The following TRIM35 variants were observed in gnomAD, a reference collection of about 807,000 sequenced individuals.
TRIM35 encodes the protein E3 ubiquitin-protein ligase TRIM35.
Under a neutral mutation model 49.1 loss-of-function variants are expected in TRIM35, and 37 were observed. That is an observed-to-expected ratio of 0.75 (90% CI 0.58 to 0.99). TRIM35 has a LOEUF of 0.99. Ranked by LOEUF, TRIM35 falls within the 50% of genes least tolerant of loss-of-function variation. The pLI is 0.00. For synonymous variants in TRIM35, 302 were observed against 289.3 expected (o/e 1.04, Z -0.45); for missense variants, 648 against 702.7 (o/e 0.92, Z 0.88).
chr8:27,308,418 C>A (rs758339660), intron 1 of TRIM35, among the ~76,000 whole-genome samples: 3 of 152,152 alleles, frequency 2.0e-5, no homozygotes, highest in Non-Finnish European at 2.9e-5. Flanking sequence ...ACACACATCC[C>A]ATCACAAACT....
In TRIM35 at chr8:27,289,160, A is replaced by C. The variant is rs1280551129; in HGVS notation, c.904+2T>G. 1 of 1,613,184 alleles carries C rather than the reference A, an allele frequency of 6.2e-7. No individual in the cohort carries two copies. The highest frequency in any genetic ancestry group is 1.7e-5 in the Admixed American group (1 of 59,984). ...GGGACACCTGCCGGCACCCCCGCTC[A>C]CCAGATTCCACAGATGCAAGCATCT... On this transcript the variant is annotated splice_donor_variant, in intron 5 of 5. Transcript: ENST00000305364. LOFTEE classifies it high-confidence loss of function.
At chr8:27,303,695 T>A (rs1015951922) in intron 1 of TRIM35, among the ~76,000 whole-genome samples, 5 of 152,204 alleles carry the variant, frequency 3.3e-5, no homozygotes, top group South Asian at 2.1e-4. Context: ...ATTTATTTTA[T>A]ATTTTTTACT....
intron 2 of TRIM35, among the ~76,000 whole-genome samples, chr8:27,296,898 A>C (rs530119357): frequency 2.4e-4 from 37 of 152,382 alleles, no homozygotes; most frequent in South Asian, 8.3e-4. Flanking sequence ...TCTATTAGAC[A>C]TCAGAAATGT....
At chr8:27,295,844 A>G (rs1202858860) in intron 2 of TRIM35, among the ~76,000 whole-genome samples, 2 of 152,200 alleles carry the variant, frequency 1.3e-5, no homozygotes, top group Non-Finnish European at 1.5e-5. Flanking sequence ...AAAATTGAGA[A>G]TGATCCACTC....
intron 3 of TRIM35, among the ~76,000 whole-genome samples, chr8:27,292,748 A>G (rs906989261): frequency 2.6e-5 from 4 of 152,198 alleles, no homozygotes; most frequent in Non-Finnish European, 5.9e-5. Context: ...GAGGCATGAA[A>G]TGTTCTAAAA....
At chr8:27,298,030 G>C (rs550340028) in intron 2 of TRIM35, among the ~76,000 whole-genome samples, 4 of 152,226 alleles carry the variant, frequency 2.6e-5, no homozygotes, top group Non-Finnish European at 4.4e-5. Flanking sequence ...GGCCCAGTGA[G>C]AGATGATGAT....
chr8:27,308,419 A>G (rs1563446694), intron 1 of TRIM35, among the ~76,000 whole-genome samples: 1 of 152,186 alleles, frequency 6.6e-6, no homozygotes, highest in Non-Finnish European at 1.5e-5. Flanking sequence ...CACACATCCC[A>G]TCACAAACTC....
At chr8:27,306,048 C>T (rs1234515430) in intron 1 of TRIM35, among the ~76,000 whole-genome samples, 1 of 152,074 alleles carries the variant, frequency 6.6e-6, no homozygotes, top group Non-Finnish European at 1.5e-5. Context: ...TGGCCTCAAG[C>T]AATCCTCCTG....
chr8:27,296,036 T>C (rs1436766845), intron 2 of TRIM35, among the ~76,000 whole-genome samples: 1 of 152,082 alleles, frequency 6.6e-6, no homozygotes, highest in Non-Finnish European at 1.5e-5. Flanking sequence ...TGTGAAAAGA[T>C]GTACAAACTT....
chr8:27,287,951 C>T lies in TRIM35; in HGVS notation c.1081G>A (p.Ala361Thr). 1 of 1,613,110 alleles carries T rather than the reference C, an allele frequency of 6.2e-7. No homozygotes were observed. Among genetic ancestry groups the T allele is most frequent in the Non-Finnish European group, 8.5e-7 (1 of 1,179,870 alleles). Residue 361 changes from alanine (A) to threonine (T), a missense_variant, in exon 6 of 6, where the codon GCC becomes ACC. Coordinates refer to ENST00000305364, the MANE Select transcript of TRIM35 (RefSeq NM_171982.5). The surrounding 1 kb of genome is among the most constrained non-coding windows in gnomAD (Gnocchi z 6.0). ...FSQGSHAWEV[A>T]LGGLQSWRVG... ...CTCCAGCTCTGCAGCCCCCCAAGGG[C>T]CACCTCCCAGGCGTGCGAGCCCTGT...
intron 1 of TRIM35, among the ~76,000 whole-genome samples, chr8:27,299,101 C>T (rs1045529941): frequency 7.2e-5 from 11 of 152,212 alleles, no homozygotes; most frequent in African/African-American, 2.4e-4. Context: ...CTCCATACCC[C>T]TCCTGCATCC....
At chr8:27,289,414 C>G in intron 4 of TRIM35, 134 bp from the exon 5 acceptor site, 1 of 687,328 alleles carries the variant, frequency 1.5e-6, no homozygotes, top group Non-Finnish European at 2.6e-6. Flanking sequence ...TTCTCCAAGA[C>G]AAGACTGGAC....
intron 1 of TRIM35, 31 bp from the exon 2 acceptor site, chr8:27,298,590 A>G (rs530783977): frequency 1.9e-6 from 3 of 1,594,036 alleles, no homozygotes; most frequent in Non-Finnish European, 2.6e-6. Flanking sequence ...AGGGAGGAAG[A>G]CAGGTTAGGG....
intron 1 of TRIM35, among the ~76,000 whole-genome samples, chr8:27,308,547 C>T (rs535690669): frequency 6.6e-6 from 1 of 152,286 alleles, no homozygotes; most frequent in South Asian, 2.1e-4. Flanking sequence ...CTTCCCATAC[C>T]GCTCCCCCAC....
At chr8:27,301,865 C>G (rs1327566406) in intron 1 of TRIM35, among the ~76,000 whole-genome samples, 1 of 152,124 alleles carries the variant, frequency 6.6e-6, no homozygotes, top group East Asian at 1.9e-4. Context: ...ATGTGGATAC[C>G]TGGAGTTTAT....
rs1374320954 is a variant in TRIM35, at chr8:27,298,572, TGA to T, written c.436-15_436-14del. 1 of 1,612,104 alleles carries T rather than the reference TGA, an allele frequency of 6.2e-7. No individual in the cohort carries two copies. The highest frequency in any genetic ancestry group is 8.5e-7 in the Non-Finnish European group (1 of 1,178,204). On this transcript the variant is annotated splice_polypyrimidine_tract_variant and intron_variant, in intron 1 of 5. Coordinates refer to ENST00000305364, the MANE Select transcript of TRIM35 (RefSeq NM_171982.5). The stretch of plus-strand genomic sequence containing the variant: ...TCCTGCACTTGGCCTGACATGGGAA[TGA>T]GAGAGAGGGAGGAAGACAGGTTAGG...
chr8:27,293,965 C>T (rs1802508945), intron 3 of TRIM35, 115 bp downstream of exon 3: 2 of 986,232 alleles, frequency 2.0e-6, no homozygotes, highest in Non-Finnish European at 3.0e-6. Context: ...CTCCTCCAGG[C>T]CAGTACCCAG....
intron 5 of TRIM35, among the ~76,000 whole-genome samples, chr8:27,288,488 T>C (rs1254568766): frequency 2.0e-5 from 3 of 151,856 alleles, no homozygotes; most frequent in Non-Finnish European, 4.4e-5. Flanking sequence ...GAGGTGAGGA[T>C]CAAAGTGCTG....
At chr8:27,308,124 T>C (rs944521778) in intron 1 of TRIM35, among the ~76,000 whole-genome samples, 4 of 152,184 alleles carry the variant, frequency 2.6e-5, no homozygotes, top group African/African-American at 9.6e-5. Flanking sequence ...AAATTCTCCC[T>C]GGAGCCTCCA....
Sources: gnomAD v4.1 joint callset for allele counts (sites outside exome capture counted in the v4.1 genomes callset) on GRCh38, gnomAD v4.1.1 for gene constraint, Gnocchi (gnomAD v3.1) non-coding constraint, MANE v1.5 for transcripts, NCBI Gene and HGNC (gene_info 2026-07-23, HGNC 2026-07-21) for gene names.